MYO5B: variants seen among roughly 807,000 people sequenced by gnomAD.
MYO5B encodes myosin VB.
Under a neutral mutation model 229.3 loss-of-function variants are expected in MYO5B, and 143 were observed. The ratio of observed to expected loss-of-function variants is 0.62; its 90% CI spans 0.54 to 0.72. The LOEUF (loss-of-function observed/expected upper bound fraction) is 0.72. Ranked by LOEUF, MYO5B falls within the 30% of genes least tolerant of loss-of-function variation. The probability of loss-of-function intolerance (pLI) is 0.00; values close to 1 mark genes in which losing one functional copy is unlikely to be tolerated. For synonymous variants in MYO5B, 918 were observed against 885.2 expected (o/e 1.04, Z -0.66); for missense variants, 2,321 against 2,331.0 (o/e 1.00, Z 0.09).
intron 18 of MYO5B, among the ~76,000 whole-genome samples, chr18:49,909,698 G>A (rs2024937231): frequency 6.6e-6 from 1 of 152,256 alleles, no homozygotes; most frequent in African/African-American, 2.4e-5. Flanking sequence ...AGGAAGGGAG[G>A]AGGTGAGTGC....
intron 1 of MYO5B, among the ~76,000 whole-genome samples, chr18:50,175,699 A>T (rs1568133741): frequency 6.6e-6 from 1 of 152,250 alleles, no homozygotes; most frequent in Non-Finnish European, 1.5e-5. Flanking sequence ...TTAAGGTCAT[A>T]AAGGTCAAAT....
chr18:50,019,513 G>C (rs1416546668), intron 4 of MYO5B, among the ~76,000 whole-genome samples: 2 of 152,240 alleles, frequency 1.3e-5, no homozygotes, highest in Non-Finnish European at 2.9e-5. Context: ...CATTCTGCTA[G>C]CTATTTCTTT....
chr18:49,952,739 A>T (rs2025443132), intron 14 of MYO5B, among the ~76,000 whole-genome samples: 1 of 152,152 alleles, frequency 6.6e-6, no homozygotes, highest in Admixed American at 6.6e-5. Context: ...AAAGAGTCCA[A>T]AGTAGTAGAT....
chr18:50,007,118 C>T (rs932500655), intron 4 of MYO5B, among the ~76,000 whole-genome samples: 2 of 152,162 alleles, frequency 1.3e-5, no homozygotes, highest in African/African-American at 4.8e-5. Flanking sequence ...CACCCACACT[C>T]AGTTCGCACA....
chr18:50,116,596 G>A (rs1321579163), intron 1 of MYO5B, among the ~76,000 whole-genome samples: 1 of 152,016 alleles, frequency 6.6e-6, no homozygotes, highest in East Asian at 1.9e-4. Flanking sequence ...TTAACCCAAT[G>A]GGACACAGAA....
chr18:49,884,727 G>C (rs1568625964), intron 22 of MYO5B, among the ~76,000 whole-genome samples: 1 of 152,146 alleles, frequency 6.6e-6, no homozygotes, highest in Non-Finnish European at 1.5e-5. Flanking sequence ...CCATGGCCTA[G>C]GGGTTGGGGA....
intron 1 of MYO5B, chr18:50,097,430 T>C (rs1465523947): frequency 2.8e-6 from 1 of 361,050 alleles, no homozygotes; most frequent in East Asian, 7.7e-5. Flanking sequence ...TAAAACTTGT[T>C]TGGGCCACAT....
intron 1 of MYO5B, among the ~76,000 whole-genome samples, chr18:50,103,750 C>T (rs1599022674): frequency 6.6e-6 from 1 of 151,274 alleles, no homozygotes. Context: ...CCTCATCTGC[C>T]CCCACCAAAA....
At chr18:49,985,818 A>G (rs534351401) in intron 7 of MYO5B, among the ~76,000 whole-genome samples, 1 of 152,296 alleles carries the variant, frequency 6.6e-6, no homozygotes, top group African/African-American at 2.4e-5. Context: ...AGGTGCTTAG[A>G]TGCAGCTTCA....
intron 4 of MYO5B, among the ~76,000 whole-genome samples, chr18:50,028,776 C>T (rs1192906571): frequency 6.6e-6 from 1 of 152,232 alleles, no homozygotes; most frequent in Non-Finnish European, 1.5e-5. Flanking sequence ...CCGGGTGACG[C>T]AGGCTCTCTC....
chr18:50,150,652 G>C (rs1486263907), intron 1 of MYO5B, among the ~76,000 whole-genome samples: 19 of 152,182 alleles, frequency 1.2e-4, no homozygotes, highest in Admixed American at 1.2e-3. Context: ...ATGGACACAG[G>C]AGGGGGAACA....
chr18:49,963,970 A>G (rs1208586267), intron 10 of MYO5B, among the ~76,000 whole-genome samples: 1 of 152,194 alleles, frequency 6.6e-6, no homozygotes, highest in African/African-American at 2.4e-5. Context: ...TAATTAACAC[A>G]GGTGCCCATG....
intron 13 of MYO5B, among the ~76,000 whole-genome samples, chr18:49,954,018 ATTTATATGTGTGTG>A (rs2025461723): frequency 2.5e-5 from 2 of 80,532 alleles, no homozygotes; most frequent in Non-Finnish European, 4.6e-5. Flanking sequence ...GTGTGTATGT[ATTTATATGTGTGTG>A]TGTGTGTGTG....
At chr18:50,108,427 T>C (rs922686990) in intron 1 of MYO5B, among the ~76,000 whole-genome samples, 1 of 152,238 alleles carries the variant, frequency 6.6e-6, no homozygotes, top group Non-Finnish European at 1.5e-5. Context: ...GCTATTCTAG[T>C]ACATGAACAA....
At chr18:50,105,321 G>A (rs1335461087) in intron 1 of MYO5B, among the ~76,000 whole-genome samples, 1 of 152,056 alleles carries the variant, frequency 6.6e-6, no homozygotes, top group Non-Finnish European at 1.5e-5. Flanking sequence ...GGATAGAGAG[G>A]GCTCCCCTTT....
chr18:49,963,945 G>A (rs1318360123), intron 10 of MYO5B, among the ~76,000 whole-genome samples: 1 of 152,090 alleles, frequency 6.6e-6, no homozygotes, highest in African/African-American at 2.4e-5. Flanking sequence ...TCCATCCAGA[G>A]GGGACACCTT....
chr18:50,107,988 A>G (rs2031793094), intron 1 of MYO5B, among the ~76,000 whole-genome samples: 1 of 149,542 alleles, frequency 6.7e-6, no homozygotes, highest in South Asian at 2.2e-4. Context: ...GGCTCACTAC[A>G]ACCTTCGCCT....
intron 27 of MYO5B, among the ~76,000 whole-genome samples, 182 bp from the exon 28 acceptor site, chr18:49,864,562 A>C (rs1038117595): frequency 2.6e-5 from 4 of 151,246 alleles, no homozygotes; most frequent in Non-Finnish European, 5.9e-5. Context: ...ATGTGAACTC[A>C]TGACTTCAAG....
chr18:50,008,177 C>T (rs573723566), intron 4 of MYO5B, among the ~76,000 whole-genome samples: 8 of 152,298 alleles, frequency 5.3e-5, no homozygotes, highest in Admixed American at 2.0e-4. Context: ...GTCATCAGTG[C>T]TGGCTGGCTT....
Sources: gnomAD v4.1 joint callset for allele counts (sites outside exome capture counted in the v4.1 genomes callset) on GRCh38, gnomAD v4.1.1 for gene constraint, MANE v1.5 for transcripts, NCBI Gene and HGNC (gene_info 2026-07-23, HGNC 2026-07-21) for gene names.